Variants in OLFM3 observed in about 807,000 individuals in gnomAD.
OLFM3 encodes the protein olfactomedin 3.
Under a neutral mutation model 48.6 loss-of-function variants are expected in OLFM3, and 20 were observed. The observed-to-expected ratio is 0.41, with a 90% confidence interval of 0.29 to 0.60. The LOEUF (loss-of-function observed/expected upper bound fraction) is 0.60. OLFM3 is among the 20% of genes least tolerant of loss of function. OLFM3 has a pLI of 0.28. For synonymous variants in OLFM3, 222 were observed against 198.1 expected, an observed-to-expected ratio of 1.12 and a Z score of -1.01; for missense variants, 437 against 544.3, an observed-to-expected ratio of 0.80 and a Z score of 1.96.
Position 101,996,809 on chromosome 1 carries a change from G to T in OLFM3, c.8C>A (p.Ala3Glu), listed in dbSNP as rs917504267. 1 of 1,614,178 alleles carries T rather than the reference G, an allele frequency of 6.2e-7. No individual in the cohort carries two copies. The highest frequency in any genetic ancestry group is 1.1e-5 in the South Asian group (1 of 91,086). Residue 3 changes from alanine to glutamate, a missense_variant, in exon 1 of 6, where the codon GCG (alanine) becomes GAG (glutamate). Physicochemically the swap from Ala to Glu is moderately radical, Grantham distance 107. Transcript: ENST00000370103. ...CAGGAGGTTGAGAAGGTTGGACGTC[G>T]CCTGCATTCTGATCTGGGTTTTTGC... MQ[A>E]TSNLLNLLLL... is the part of the protein sequence containing the mutation.
At chr1:101,872,425 T>C (rs1657116831) in intron 1 of OLFM3, among the ~76,000 whole-genome samples, 1 of 152,020 alleles carries the variant, frequency 6.6e-6, no homozygotes, top group Non-Finnish European at 1.5e-5. Context: ...TAGGATTGAT[T>C]GGATAGGAGA....
At chr1:101,842,202 A>AAAT (rs767741777) in intron 1 of OLFM3, among the ~76,000 whole-genome samples, 2 of 152,092 alleles carry the variant, frequency 1.3e-5, no homozygotes, top group Admixed American at 6.6e-5. Context: ...ATAAAAGCAA[A>AAAT]AATAATAATA....
chr1:101,916,129 T>C (rs1030391501), intron 1 of OLFM3, among the ~76,000 whole-genome samples: 100 of 152,286 alleles, frequency 6.6e-4, no homozygotes, highest in African/African-American at 2.3e-3. Flanking sequence ...ACATTTGTTA[T>C]GGGCAGTCAC....
chr1:101,893,324 G>T, intron 1 of OLFM3: 1 of 378,180 alleles, frequency 2.6e-6, no homozygotes, highest in South Asian at 2.5e-5. Context: ...TCATCAGATA[G>T]AACCCGGAAT....
intron 1 of OLFM3, among the ~76,000 whole-genome samples, chr1:101,840,076 C>A (rs1336256799): frequency 6.6e-6 from 1 of 151,788 alleles, no homozygotes; most frequent in Non-Finnish European, 1.5e-5. Flanking sequence ...TTTAGAGAAT[C>A]CATGCTGGCA....
In OLFM3 at chr1:101,899,091, C is replaced by T. The variant is rs368997130; in HGVS notation, c.70-62066G>A. 9.3e-4 allele frequency among the ~76,000 whole-genome samples: 142 copies of T among 152,262 alleles called. 1 individual carries two copies. The highest frequency in any genetic ancestry group is 3.4e-3 in the African/African-American group (140 of 41,544). ...TTCCGTGCCAGGAATCTGGGTACAGCTCAGCTGGGAGGCTCTACCTCAAGG... is the reference window on the plus strand; with the variant it reads ...TTCCGTGCCAGGAATCTGGGTACAGTTCAGCTGGGAGGCTCTACCTCAAGG... On this transcript the variant is annotated intron_variant, in intron 1 of 5. Transcript: ENST00000370103.
chr1:101,862,804 A>T (rs912065107), intron 1 of OLFM3, among the ~76,000 whole-genome samples: 2 of 152,220 alleles, frequency 1.3e-5, no homozygotes, highest in African/African-American at 4.8e-5. Flanking sequence ...AATGACCATG[A>T]GGAAGCATTT....
At chr1:101,972,620 C>A (rs4908209) in intron 1 of OLFM3, among the ~76,000 whole-genome samples, 81,526 of 152,038 alleles carry the variant, frequency 0.54, 22,215 homozygotes, top group East Asian at 0.73. Flanking sequence ...ACATTATAGA[C>A]CCAGGGCTAG....
intron 1 of OLFM3, among the ~76,000 whole-genome samples, chr1:101,940,547 C>T (rs1041776894): frequency 1.3e-5 from 2 of 151,580 alleles, no homozygotes; most frequent in Non-Finnish European, 2.9e-5. Context: ...ATCTATGTAT[C>T]TATCTATCTA....
intron 4 of OLFM3, among the ~76,000 whole-genome samples, chr1:101,819,470 C>A (rs1210982535): frequency 6.6e-6 from 1 of 151,920 alleles, no homozygotes; most frequent in Non-Finnish European, 1.5e-5. Context: ...GATCAGGAGG[C>A]CATTTGAGTA....
intron 1 of OLFM3, among the ~76,000 whole-genome samples, chr1:101,963,472 G>T (rs1302961052): frequency 6.6e-6 from 1 of 151,874 alleles, no homozygotes; most frequent in African/African-American, 2.4e-5. Flanking sequence ...ACTAAGATTT[G>T]TATCAGAAGG....
intron 4 of OLFM3, among the ~76,000 whole-genome samples, chr1:101,815,146 G>C (rs932258155): frequency 1.3e-5 from 2 of 152,128 alleles, no homozygotes; most frequent in Non-Finnish European, 2.9e-5. Flanking sequence ...CTACTGTATA[G>C]AATATTAATT....
intron 1 of OLFM3, among the ~76,000 whole-genome samples, chr1:101,925,447 CT>C (rs1166308981): frequency 6.6e-6 from 1 of 151,544 alleles, no homozygotes; most frequent in Non-Finnish European, 1.5e-5. Context: ...TACCATAGTA[CT>C]CATCATAGTT....
chr1:101,878,681 G>A (rs563307394), intron 1 of OLFM3, among the ~76,000 whole-genome samples: 3 of 151,884 alleles, frequency 2.0e-5, no homozygotes, highest in African/African-American at 7.2e-5. Context: ...CATCTTCTGG[G>A]TCCATCTTTT....
intron 1 of OLFM3, among the ~76,000 whole-genome samples, chr1:101,863,972 T>C (rs1381012024): frequency 2.6e-5 from 4 of 152,186 alleles, no homozygotes; most frequent in Admixed American, 6.5e-5. Flanking sequence ...TCTGAGCAAC[T>C]TGATGCTTCA....
At chr1:101,963,181 G>A (rs964745893) in intron 1 of OLFM3, among the ~76,000 whole-genome samples, 3 of 152,096 alleles carry the variant, frequency 2.0e-5, no homozygotes, top group East Asian at 3.9e-4. Flanking sequence ...CAGAGCCCTC[G>A]TTATGCATTA....
rs1570626247 is a variant in OLFM3, at chr1:101,914,729, G to A, written c.70-77704C>T. Among the ~76,000 whole-genome samples, 3 of 152,134 alleles carry A rather than the reference G, an allele frequency of 2.0e-5. No homozygotes were observed. In the East Asian group the frequency reaches 5.8e-4, roughly 29 times the overall value. On this transcript the variant is annotated intron_variant, in intron 1 of 5. Coordinates refer to ENST00000370103, the MANE Select transcript of OLFM3 (RefSeq NM_058170.4). ...CCAAAGGTGGCAAAGCCTGCATGCG[G>A]CTCTTTCCAGCCTTTAATCTGTTGT...
At chr1:101,957,560 C>T (rs1372916302) in intron 1 of OLFM3, among the ~76,000 whole-genome samples, 1 of 151,932 alleles carries the variant, frequency 6.6e-6, no homozygotes, top group African/African-American at 2.4e-5. Context: ...AATTTCATAG[C>T]CAAATGTGAC....
intron 1 of OLFM3, among the ~76,000 whole-genome samples, chr1:101,973,543 T>C (rs984564623): frequency 3.9e-5 from 6 of 152,186 alleles, no homozygotes; most frequent in Admixed American, 2.6e-4. Flanking sequence ...TATCTGTCTG[T>C]CCGGTCAAAG....
Sources: gnomAD v4.1 joint callset for allele counts (sites outside exome capture counted in the v4.1 genomes callset) on GRCh38, gnomAD v4.1.1 for gene constraint, MANE v1.5 for transcripts, NCBI Gene and HGNC (gene_info 2026-07-23, HGNC 2026-07-21) for gene names.